Variants in GRM8 observed in about 807,000 individuals in gnomAD.
The protein encoded by GRM8 is glutamate metabotropic receptor 8, also known as metabotropic glutamate receptor 8.
Under a neutral mutation model 87.2 loss-of-function variants are expected in GRM8, and 47 were observed. That is an observed-to-expected ratio of 0.54 (90% CI 0.43 to 0.69). The LOEUF (loss-of-function observed/expected upper bound fraction) is 0.69, where lower values mean the gene tolerates loss of function less well. GRM8 is among the 30% of genes least tolerant of loss of function. The pLI is 0.00. For synonymous variants in GRM8, 396 were observed against 404.5 expected (o/e 0.98, Z 0.25); for missense variants, 1,019 against 1,139.2 (o/e 0.89, Z 1.52).
chr7:126,956,930 A>G (rs566170671), intron 3 of GRM8, among the ~76,000 whole-genome samples: 21 of 152,236 alleles, frequency 1.4e-4, no homozygotes, highest in Non-Finnish European at 2.6e-4. Context: ...ATAAACACAG[A>G]TGTAGAAAAA....
intron 3 of GRM8, among the ~76,000 whole-genome samples, chr7:127,062,857 T>C (rs1820751269): frequency 6.6e-6 from 1 of 152,196 alleles, no homozygotes. Context: ...TCAGCAGTAA[T>C]ATTCCCTTCA....
intron 8 of GRM8, among the ~76,000 whole-genome samples, chr7:126,595,451 G>T (rs142332291): frequency 6.8e-6 from 1 of 147,296 alleles, no homozygotes. Flanking sequence ...TTATTTTGTA[G>T]AGATGGGGTT....
At chr7:127,116,969 T>C (rs1270751561) in intron 2 of GRM8, among the ~76,000 whole-genome samples, 1 of 152,142 alleles carries the variant, frequency 6.6e-6, no homozygotes, top group Non-Finnish European at 1.5e-5. Context: ...GATCTCTGAG[T>C]CCTGAGGCTT....
chr7:126,862,077 A>G (rs1307370528), intron 6 of GRM8, among the ~76,000 whole-genome samples: 1 of 151,964 alleles, frequency 6.6e-6, no homozygotes, highest in Non-Finnish European at 1.5e-5. Flanking sequence ...TATATTTTCT[A>G]CAAAATTTAA....
chr7:127,203,519 C>T (rs750072142), intron 2 of GRM8, among the ~76,000 whole-genome samples: 2 of 152,062 alleles, frequency 1.3e-5, no homozygotes, highest in Non-Finnish European at 2.9e-5. Flanking sequence ...ACTCACCTGG[C>T]CAACATGGTG....
chr7:127,036,847 C>A (rs1222109822), intron 3 of GRM8, among the ~76,000 whole-genome samples: 1 of 152,124 alleles, frequency 6.6e-6, no homozygotes, highest in East Asian at 1.9e-4. Flanking sequence ...TTTCAACTAA[C>A]CAGGTTTTTC....
intron 2 of GRM8, among the ~76,000 whole-genome samples, chr7:127,117,933 A>G (rs1826797825): frequency 6.6e-6 from 1 of 152,262 alleles, no homozygotes; most frequent in African/African-American, 2.4e-5. Flanking sequence ...CTGCCAGCCA[A>G]TAGTACATGA....
At chr7:126,627,509 C>T (rs1800823221) in intron 7 of GRM8, among the ~76,000 whole-genome samples, 1 of 151,942 alleles carries the variant, frequency 6.6e-6, no homozygotes, top group East Asian at 1.9e-4. Flanking sequence ...TTTATGTCTC[C>T]CTTAACAGTT....
chr7:127,172,346 A>C (rs1363798135), intron 2 of GRM8, among the ~76,000 whole-genome samples: 1 of 152,188 alleles, frequency 6.6e-6, no homozygotes, highest in East Asian at 1.9e-4. Flanking sequence ...TTTTATGTAC[A>C]TAACATTTTT....
At chr7:126,996,437 G>T (rs1813181287) in intron 3 of GRM8, among the ~76,000 whole-genome samples, 1 of 151,822 alleles carries the variant, frequency 6.6e-6, no homozygotes, top group Non-Finnish European at 1.5e-5. Context: ...ACAACAGAAA[G>T]TCCTTACTTG....
intron 7 of GRM8, among the ~76,000 whole-genome samples, chr7:126,749,394 T>G (rs1585772151): frequency 6.6e-6 from 1 of 151,930 alleles, no homozygotes; most frequent in South Asian, 2.1e-4. Context: ...TAAGCTTGAG[T>G]TAGGCACAAA....
At chr7:126,619,403 T>C (rs1454924837) in intron 7 of GRM8, among the ~76,000 whole-genome samples, 1 of 151,964 alleles carries the variant, frequency 6.6e-6, no homozygotes, top group Non-Finnish European at 1.5e-5. Context: ...AGGGAAAGCA[T>C]TAAGAGATAT....
chr7:126,970,020 G>T (rs748121041), intron 3 of GRM8, among the ~76,000 whole-genome samples: 11 of 152,006 alleles, frequency 7.2e-5, no homozygotes, highest in Non-Finnish European at 1.5e-5. Context: ...TGAGCAGCAG[G>T]TCTTAAGAGT....
At chr7:126,530,704 T>C (rs1043601962) in intron 9 of GRM8, among the ~76,000 whole-genome samples, 1 of 152,258 alleles carries the variant, frequency 6.6e-6, no homozygotes, top group Non-Finnish European at 1.5e-5. Context: ...CCAAGGTCAA[T>C]ACAACATTTA....
intron 7 of GRM8, among the ~76,000 whole-genome samples, chr7:126,765,283 G>A (rs1431317792): frequency 6.6e-6 from 1 of 151,836 alleles, no homozygotes; most frequent in African/African-American, 2.4e-5. Context: ...TTTTCTTATA[G>A]GTTTTTATTT....
At chr7:126,524,933 A>T (rs1462077255) in intron 9 of GRM8, among the ~76,000 whole-genome samples, 1 of 152,166 alleles carries the variant, frequency 6.6e-6, no homozygotes, top group Admixed American at 6.5e-5. Context: ...TTGTTTTTTA[A>T]GAACATTTTC....
chr7:126,745,732 T>C (rs564529518), intron 7 of GRM8, among the ~76,000 whole-genome samples: 35 of 151,846 alleles, frequency 2.3e-4, no homozygotes, highest in African/African-American at 8.4e-4. Context: ...CTTGTAAACA[T>C]ATTCTCCCTA....
At chr7:126,587,105 T>G (rs563908434) in intron 8 of GRM8, among the ~76,000 whole-genome samples, 1 of 152,140 alleles carries the variant, frequency 6.6e-6, no homozygotes, top group Admixed American at 6.5e-5. Flanking sequence ...ATCAGAGAAA[T>G]GCAAATCAAA....
At chr7:126,912,448 C>T (rs1803415535) in intron 3 of GRM8, among the ~76,000 whole-genome samples, 1 of 152,182 alleles carries the variant, frequency 6.6e-6, no homozygotes, top group African/African-American at 2.4e-5. Context: ...TTTCTTGGGT[C>T]TCCAATTTGC....
Sources: allele counts gnomAD v4.1 joint callset (sites outside exome capture counted in the v4.1 genomes callset), GRCh38; gene constraint gnomAD v4.1.1; transcripts MANE v1.5; gene names NCBI Gene and HGNC (gene_info 2026-07-23, HGNC 2026-07-21).